AK9: variants seen among roughly 807,000 people sequenced by gnomAD.
The protein encoded by AK9 is adenylate kinase 9, also known as adenylate kinase domain containing 1.
In AK9, 191 loss-of-function variants were observed where a neutral mutation model predicts 239.6. The ratio of observed to expected loss-of-function variants is 0.80; its 90% confidence interval spans 0.71 to 0.90. AK9 has a LOEUF of 0.90. Ranked by LOEUF, AK9 falls within the 40% of genes least tolerant of loss-of-function variation. The pLI, the probability that AK9 is intolerant of heterozygous loss-of-function variation, is 0.00. For synonymous variants in AK9, 689 were observed against 721.0 expected (o/e 0.96, Z 0.71); for missense variants, 1,995 against 2,214.7 (o/e 0.90, Z 1.99).
chr6:109,563,954 TATACATCAG>T (rs1333289713), intron 23 of AK9, 117 bp downstream of exon 23: 1 of 1,107,382 alleles, frequency 9.0e-7, no homozygotes, highest in East Asian at 2.6e-5. Context: ...CTAAGTATTT[TATACATCAG>T]CCTTGGATAT....
intron 8 of AK9, among the ~76,000 whole-genome samples, chr6:109,654,460 T>C (rs1426861205): frequency 1.3e-5 from 2 of 152,026 alleles, no homozygotes; most frequent in Non-Finnish European, 2.9e-5. Context: ...GCCTCCCAAG[T>C]AGCTGGGATT....
chr6:109,494,513 G>C (rs544068136), intron 39 of AK9: 2 of 157,068 alleles, frequency 1.3e-5, no homozygotes, highest in South Asian at 3.8e-4. Flanking sequence ...TACCTGACAC[G>C]TAATTCCAGA....
intron 28 of AK9, among the ~76,000 whole-genome samples, chr6:109,531,830 G>A (rs935671485): frequency 2.6e-5 from 4 of 152,168 alleles, no homozygotes; most frequent in Non-Finnish European, 4.4e-5. Flanking sequence ...GTGGAGCCAC[G>A]TATCTTCCCA....
intron 24 of AK9, among the ~76,000 whole-genome samples, chr6:109,551,394 C>CT (rs1784334635): frequency 6.6e-6 from 1 of 151,878 alleles, no homozygotes; most frequent in African/African-American, 2.4e-5. Context: ...TGGCGCGTGC[C>CT]TGTAATCCCA....
intron 21 of AK9, among the ~76,000 whole-genome samples, chr6:109,570,407 A>G (rs1235260636): frequency 6.6e-6 from 1 of 152,112 alleles, no homozygotes; most frequent in Non-Finnish European, 1.5e-5. Context: ...GTGCACATGT[A>G]CCCTCTATAG....
intron 17 of AK9, among the ~76,000 whole-genome samples, chr6:109,586,280 G>C (rs1421196579): frequency 2.6e-5 from 4 of 152,156 alleles, no homozygotes; most frequent in Non-Finnish European, 1.5e-5. Context: ...GCTGGGCGAA[G>C]TGGTGCATGC....
chr6:109,635,594 G>T (rs765035460), intron 10 of AK9, among the ~76,000 whole-genome samples: 5 of 152,084 alleles, frequency 3.3e-5, no homozygotes, highest in Non-Finnish European at 5.9e-5. Flanking sequence ...GCGGGGCAGG[G>T]GCAGAAGAAA....
At chr6:109,598,540 G>A (rs144310092) in intron 17 of AK9, among the ~76,000 whole-genome samples, 4,375 of 152,228 alleles carry the variant, frequency 0.029, 101 homozygotes, top group East Asian at 0.11. Flanking sequence ...ATCTACGTGT[G>A]CATGTGTCTT....
chr6:109,494,137 T>G (rs767353050), intron 39 of AK9, 42 bp from the exon 40 acceptor site: 2 of 1,470,036 alleles, frequency 1.4e-6, no homozygotes, highest in Non-Finnish European at 1.9e-6. Context: ...ATACTTGAGT[T>G]TGGTTTCTTT....
chr6:109,564,239 G>T lies in AK9; in HGVS notation c.2476C>A (p.Pro826Thr). 6.4e-7 allele frequency: 1 copy of T among 1,551,210 alleles called. No homozygotes were observed. Among genetic ancestry groups the T allele is most frequent in the Admixed American group, 2.0e-5 (1 of 50,974 alleles). The change falls in exon 23 of 41, where the codon CCC (proline) becomes ACC (threonine). Residue 826 changes from proline (P) to threonine (T), a missense_variant. This residue lies in a region of AK9 where 1,290 missense variants were observed against 1,392.7 expected (regional missense o/e 0.93). Transcript: ENST00000424296. Reference sequence around the variant, plus strand: ...TTCTCTTTAAATGGCTCCATTTCGGGAACATCAGGATAAGAGTCTTCTGGA... The same window carrying T: ...TTCTCTTTAAATGGCTCCATTTCGGTAACATCAGGATAAGAGTCTTCTGGA... ...EFPEDSYPDV[P>T]EMEPFKEKIG...
intron 26 of AK9, among the ~76,000 whole-genome samples, chr6:109,544,052 G>C (rs1783218291): frequency 6.6e-6 from 1 of 152,086 alleles, no homozygotes; most frequent in Admixed American, 6.5e-5. Flanking sequence ...CCAGGAGTCA[G>C]AGGTTGCAGT....
chr6:109,620,676 G>T (rs1459853472), intron 12 of AK9, among the ~76,000 whole-genome samples: 1 of 151,828 alleles, frequency 6.6e-6, no homozygotes, highest in Non-Finnish European at 1.5e-5. Context: ...CACATCTTCA[G>T]TTTTTAGTAC....
chr6:109,507,278 G>A (rs1052943573), intron 33 of AK9, among the ~76,000 whole-genome samples: 2 of 152,094 alleles, frequency 1.3e-5, no homozygotes, highest in African/African-American at 4.8e-5. Flanking sequence ...AAAGCAACTA[G>A]AGTAGGACCT....
rs1404751538 is a variant in AK9 at position 109,494,011 on chromosome 6, C to CAT, written c.5502_5503insAT (p.Ala1835MetfsTer6). The CAT allele has an allele frequency of 1.9e-5, 30 of 1,611,752 alleles. No individual in the cohort carries two copies. The highest frequency in any genetic ancestry group is 2.5e-5 in the Non-Finnish European group (29 of 1,178,494). ...AGATGAAGTGCTATATATAGCAGTG[C>CAT]AGATCTCCTTATACTTAAAAAGGGG... On this transcript the variant is annotated frameshift_variant, in exon 40 of 41. Transcript: ENST00000424296. LOFTEE classifies it high-confidence loss of function.
chr6:109,601,724 G>A (rs1279049361), intron 17 of AK9, among the ~76,000 whole-genome samples: 6 of 152,156 alleles, frequency 3.9e-5, no homozygotes, highest in Non-Finnish European at 7.4e-5. Context: ...AAGTCTCTTT[G>A]TAGGTCTCTA....
rs541495020 is a variant in AK9 at position 109,553,987 on chromosome 6, A to C, written c.2752-3685T>G. Among the ~76,000 whole-genome samples, 12 of 152,240 alleles carry C rather than the reference A, an allele frequency of 7.9e-5. No individual in the cohort carries two copies. The South Asian group carries it at 2.5e-3, about 32-fold the overall frequency. ...GTGGTTTTTGTCTTTGGTTCTGTTTATGTGATGGATTATGTTTATTGACCT... is the reference window on the plus strand; with the variant it reads ...GTGGTTTTTGTCTTTGGTTCTGTTTCTGTGATGGATTATGTTTATTGACCT... On this transcript the variant is annotated intron_variant, in intron 24 of 40. Coordinates refer to ENST00000424296, the MANE Select transcript of AK9 (RefSeq NM_001145128.3).
intron 19 of AK9, 29 bp from the exon 20 acceptor site, chr6:109,579,655 T>A (rs1205750331): frequency 2.0e-5 from 31 of 1,534,424 alleles, no homozygotes; most frequent in Non-Finnish European, 2.7e-5. Flanking sequence ...AATTTAATTA[T>A]CTTTGGAAAT....
chr6:109,639,854 G>A (rs1185709858), intron 10 of AK9, among the ~76,000 whole-genome samples: 1 of 152,128 alleles, frequency 6.6e-6, no homozygotes, highest in Non-Finnish European at 1.5e-5. Context: ...TCCAGTTTCA[G>A]CTTTCTACAT....
At chr6:109,635,114 TA>T (rs969171573) in intron 10 of AK9, among the ~76,000 whole-genome samples, 33 of 145,068 alleles carry the variant, frequency 2.3e-4, no homozygotes, top group East Asian at 4.0e-4. Flanking sequence ...AGTAGAAGAA[TA>T]AAAAAAAAAG....
Sources: gnomAD v4.1 joint callset for allele counts (sites outside exome capture counted in the v4.1 genomes callset) on GRCh38, gnomAD v4.1.1 for gene constraint, gnomAD v4.1.1 regional missense constraint, MANE v1.5 for transcripts, NCBI Gene and HGNC (gene_info 2026-07-23, HGNC 2026-07-21) for gene names.